CEP112: variants seen among roughly 807,000 people sequenced by gnomAD.
CEP112 encodes the protein centrosomal protein 112, also known as centrosomal protein of 112 kDa.
Under a neutral mutation model 153.0 loss-of-function variants are expected in CEP112, and 127 were observed. That is an observed-to-expected ratio of 0.83 (90% CI 0.72 to 0.96). The LOEUF (loss-of-function observed/expected upper bound fraction) is 0.96. Among genes scored for constraint, CEP112 ranks in the 40% least tolerant of loss-of-function variants. The pLI is 0.00. For synonymous variants in CEP112, 358 were observed against 374.4 expected (o/e 0.96, Z 0.51); for missense variants, 1,089 against 1,101.2 (o/e 0.99, Z 0.16).
At position 66,096,596 on chromosome 17, in the gene CEP112, G is replaced by T; in HGVS notation, c.679C>A (p.Pro227Thr). 6.3e-7 allele frequency: 1 copy of T among 1,593,528 alleles called. No individual in the cohort carries two copies. Among genetic ancestry groups the T allele is most frequent in the Non-Finnish European group, 8.6e-7 (1 of 1,165,072 alleles). ...GATTTCTCACATACCAGAGAAACTG[G>T]GATAGGCTTCTGTCTCAGGTATCGA... is the stretch of plus-strand genomic sequence containing the variant. The part of the protein sequence containing the change: ...NPRYLRQKPI[P>T]VSLMTPKFSL... The change falls in exon 7 of 27, where the codon CCA becomes ACA. Residue 227 changes from proline (P) to threonine (T), a missense_variant. Pro to Thr is a conservative substitution (Grantham distance 38, BLOSUM62 -1). Coordinates refer to ENST00000535342, the MANE Select transcript of CEP112 (RefSeq NM_001199165.4).
At chr17:65,841,187 A>T (rs1250769362) in intron 21 of CEP112, among the ~76,000 whole-genome samples, 1 of 152,108 alleles carries the variant, frequency 6.6e-6, no homozygotes, top group African/African-American at 2.4e-5. Flanking sequence ...TACCAAAGAG[A>T]GATCTGCACT....
intron 23 of CEP112, among the ~76,000 whole-genome samples, chr17:65,714,416 A>G (rs1033057948): frequency 7.4e-6 from 1 of 135,660 alleles, no homozygotes; most frequent in Non-Finnish European, 1.5e-5. Flanking sequence ...CCATATGAAT[A>G]TCAAAGTTTT....
chr17:65,937,679 G>A (rs1599076850), intron 18 of CEP112, among the ~76,000 whole-genome samples: 1 of 94,040 alleles, frequency 1.1e-5, no homozygotes, highest in Non-Finnish European at 2.1e-5. Flanking sequence ...GCCTCTGCCC[G>A]GCCGCCCCTA....
At chr17:65,807,113 G>A (rs1184175491) in intron 21 of CEP112, among the ~76,000 whole-genome samples, 1 of 152,160 alleles carries the variant, frequency 6.6e-6, no homozygotes, top group Non-Finnish European at 1.5e-5. Context: ...AACTTATTGG[G>A]AAGTGGAGTA....
At chr17:66,042,997 A>T (rs2145850469) in intron 12 of CEP112, 1 of 577,982 alleles carries the variant, frequency 1.7e-6, no homozygotes, top group African/African-American at 2.0e-5. Flanking sequence ...TGTGTCCATG[A>T]GTAGTTCTAT....
intron 12 of CEP112, among the ~76,000 whole-genome samples, chr17:66,035,008 A>ATATAT (rs1454121288): frequency 1.4e-5 from 1 of 72,372 alleles, no homozygotes. Flanking sequence ...ATATATATAT[A>ATATAT]TTTTTTTTTT....
intron 4 of CEP112, among the ~76,000 whole-genome samples, chr17:66,150,499 G>A (rs2071160766): frequency 6.6e-6 from 1 of 152,186 alleles, no homozygotes; most frequent in Non-Finnish European, 1.5e-5. Flanking sequence ...CCAAACTGCT[G>A]GGATTATAGG....
At chr17:65,685,989 T>C (rs1443279052) in intron 24 of CEP112, among the ~76,000 whole-genome samples, 1 of 152,132 alleles carries the variant, frequency 6.6e-6, no homozygotes, top group African/African-American at 2.4e-5. Context: ...TGACTACTTG[T>C]GTTAGTGTCA....
chr17:65,758,554 G>A (rs1350160029), intron 21 of CEP112, among the ~76,000 whole-genome samples: 1 of 151,956 alleles, frequency 6.6e-6, no homozygotes, highest in Non-Finnish European at 1.5e-5. Flanking sequence ...GAAGGTTCAG[G>A]CATTCATGAT....
intron 20 of CEP112, among the ~76,000 whole-genome samples, chr17:65,854,908 T>C (rs867465024): frequency 2.6e-5 from 4 of 152,082 alleles, no homozygotes; most frequent in Non-Finnish European, 5.9e-5. Context: ...TAAAAACAGA[T>C]AGACTTTAGC....
chr17:65,769,108 A>G (rs1460079973), intron 21 of CEP112, among the ~76,000 whole-genome samples: 1 of 152,128 alleles, frequency 6.6e-6, no homozygotes, highest in Non-Finnish European at 1.5e-5. Flanking sequence ...TAAAATCAAT[A>G]TATAAAAATC....
chr17:66,098,255 T>C (rs1473513719), intron 6 of CEP112, among the ~76,000 whole-genome samples: 1 of 152,224 alleles, frequency 6.6e-6, no homozygotes, highest in East Asian at 1.9e-4. Context: ...GAACCTATTA[T>C]GATTCAGGGG....
At chr17:65,800,976 G>C (rs2055234724) in intron 21 of CEP112, among the ~76,000 whole-genome samples, 1 of 152,072 alleles carries the variant, frequency 6.6e-6, no homozygotes, top group South Asian at 2.1e-4. Context: ...TCTTTTTGTT[G>C]TTGACTTGCA....
chr17:65,770,658 G>C (rs551743822), intron 21 of CEP112, among the ~76,000 whole-genome samples: 1 of 151,968 alleles, frequency 6.6e-6, no homozygotes, highest in Non-Finnish European at 1.5e-5. Context: ...AACAAATTGC[G>C]AGGTTTATAA....
At chr17:65,713,175 A>G (rs1051465759) in intron 23 of CEP112, among the ~76,000 whole-genome samples, 4 of 152,188 alleles carry the variant, frequency 2.6e-5, no homozygotes, top group Non-Finnish European at 5.9e-5. Flanking sequence ...ATGGAAATGC[A>G]TAATATGTGA....
At chr17:66,106,511 G>C (rs991395546) in intron 6 of CEP112, among the ~76,000 whole-genome samples, 1 of 151,942 alleles carries the variant, frequency 6.6e-6, no homozygotes, top group African/African-American at 2.4e-5. Context: ...GCTACTATGA[G>C]CAACTATATG....
At chr17:65,874,424 T>C (rs2058757295) in intron 20 of CEP112, among the ~76,000 whole-genome samples, 1 of 152,138 alleles carries the variant, frequency 6.6e-6, no homozygotes, top group Non-Finnish European at 1.5e-5. Flanking sequence ...TTTTACTTTA[T>C]CAACAATTGC....
At chr17:65,650,205 A>G (rs1050000919) in intron 24 of CEP112, among the ~76,000 whole-genome samples, 2 of 152,094 alleles carry the variant, frequency 1.3e-5, no homozygotes, top group African/African-American at 4.8e-5. Flanking sequence ...CCATCTGGAC[A>G]TCTGGATGTT....
At position 66,176,866 on chromosome 17, in the gene CEP112, A is replaced by C. The variant is rs753762814; in HGVS notation, c.261T>G (p.Pro87=). The change falls in exon 3 of 27, where the codon CCT becomes CCG. Residue 87 remains proline, a synonymous_variant. Transcript: ENST00000535342. ...GALEGPFTHR[P]EPGTLKILPS... ...GTAGAATTTTTAGTGTCCCGGGTTC[A>C]GGTCGGTGTGTAAAAGGGCCTTCAA... 8.7e-6 allele frequency: 14 copies of C among 1,613,176 alleles called. No homozygotes were observed. The highest frequency in any genetic ancestry group is 1.1e-5 in the South Asian group (1 of 90,856).
Sources: allele counts gnomAD v4.1 joint callset (sites outside exome capture counted in the v4.1 genomes callset), GRCh38; gene constraint gnomAD v4.1.1; transcripts MANE v1.5; gene names NCBI Gene and HGNC (gene_info 2026-07-23, HGNC 2026-07-21).